The following FRMD4A variants were observed in gnomAD, a reference collection of about 807,000 sequenced individuals.
The protein encoded by FRMD4A is FERM domain-containing protein 4A.
Under a neutral mutation model 129.1 loss-of-function variants are expected in FRMD4A, and 29 were observed. That is an observed-to-expected ratio of 0.22 (90% CI 0.17 to 0.31). The LOEUF (loss-of-function observed/expected upper bound fraction) is 0.31. FRMD4A is among the 10% of genes least tolerant of loss of function. The pLI is 1.00. For missense variants in FRMD4A, 1,272 were observed against 1,375.8 expected, an observed-to-expected ratio of 0.92 and a Z score of 1.19; for synonymous variants, 634 against 571.6, an observed-to-expected ratio of 1.11 and a Z score of -1.56.
intron 3 of FRMD4A, among the ~76,000 whole-genome samples, chr10:13,822,243 T>C (rs1348178591): frequency 6.6e-6 from 1 of 152,202 alleles, no homozygotes; most frequent in Admixed American, 6.5e-5. Context: ...CTCTCAGCAA[T>C]TTTCAAGCAT....
chr10:14,110,701 A>G (rs1207891348), intron 2 of FRMD4A, among the ~76,000 whole-genome samples: 1 of 152,282 alleles, frequency 6.6e-6, no homozygotes, highest in East Asian at 1.9e-4. Context: ...AAACCACTGC[A>G]GAGGCATTTT....
At chr10:13,965,341 T>C (rs1013977730) in intron 2 of FRMD4A, among the ~76,000 whole-genome samples, 27 of 152,000 alleles carry the variant, frequency 1.8e-4, no homozygotes, top group African/African-American at 5.3e-4. Context: ...AGAAAGAAGG[T>C]TTAAAATGCC....
chr10:13,874,760 A>G (rs1347697502), intron 2 of FRMD4A, among the ~76,000 whole-genome samples: 1 of 152,258 alleles, frequency 6.6e-6, no homozygotes, highest in Non-Finnish European at 1.5e-5. Flanking sequence ...GAAATAGAAT[A>G]AAGAATTATT....
At chr10:13,939,932 G>A (rs2131306526) in intron 2 of FRMD4A, among the ~76,000 whole-genome samples, 1 of 152,282 alleles carries the variant, frequency 6.6e-6, no homozygotes, top group South Asian at 2.1e-4. Context: ...CATTTGTAAG[G>A]TGTATTAAGG....
At chr10:13,706,886 ACTGT>A in intron 13 of FRMD4A, 147 bp downstream of exon 13, 2 of 591,248 alleles carry the variant, frequency 3.4e-6, no homozygotes, top group Non-Finnish European at 6.1e-6. Flanking sequence ...AGAAAGTTTC[ACTGT>A]CTGATTTGAG....
intron 2 of FRMD4A, among the ~76,000 whole-genome samples, chr10:14,303,591 T>C (rs560970191): frequency 3.9e-4 from 59 of 152,260 alleles, no homozygotes; most frequent in Non-Finnish European, 3.1e-4. Context: ...ATTACATTTA[T>C]GGGCAGTCAG....
At chr10:14,075,373 A>C (rs975457483) in intron 2 of FRMD4A, among the ~76,000 whole-genome samples, 1 of 152,226 alleles carries the variant, frequency 6.6e-6, no homozygotes. Context: ...CTGTTAGAAC[A>C]ACATGATGTG....
intron 2 of FRMD4A, among the ~76,000 whole-genome samples, chr10:14,033,460 C>G (rs1426843053): frequency 6.6e-6 from 1 of 152,012 alleles, no homozygotes; most frequent in Non-Finnish European, 1.5e-5. Context: ...AGGAACCAAC[C>G]TAAGTGTCCA....
At chr10:14,087,435 A>G (rs1836354177) in intron 2 of FRMD4A, 1 of 151,566 alleles carries the variant, frequency 6.6e-6, no homozygotes, top group Non-Finnish European at 1.5e-5. Flanking sequence ...ATACACAGGT[A>G]AAGTACTTTG....
intron 2 of FRMD4A, among the ~76,000 whole-genome samples, chr10:14,160,847 A>G (rs1840846896): frequency 6.6e-6 from 1 of 152,238 alleles, no homozygotes; most frequent in Non-Finnish European, 1.5e-5. Context: ...TGGGGTTATC[A>G]AAGAGACAAA....
chr10:13,949,388 A>G (rs2131330529), intron 2 of FRMD4A, among the ~76,000 whole-genome samples: 1 of 152,198 alleles, frequency 6.6e-6, no homozygotes, highest in Non-Finnish European at 1.5e-5. Context: ...TTAACTTTTC[A>G]AGTACAGCTT....
intron 2 of FRMD4A, among the ~76,000 whole-genome samples, chr10:14,051,799 G>A (rs973061094): frequency 3.9e-5 from 6 of 152,240 alleles, no homozygotes; most frequent in Non-Finnish European, 7.3e-5. Context: ...TCAGGAAAGG[G>A]CCCTGAGCAG....
At chr10:13,664,975 C>T (rs1418242433) in intron 18 of FRMD4A, among the ~76,000 whole-genome samples, 1 of 152,164 alleles carries the variant, frequency 6.6e-6, no homozygotes, top group African/African-American at 2.4e-5. Flanking sequence ...CTCTGCCTCC[C>T]AGGTTCAAGC....
intron 2 of FRMD4A, among the ~76,000 whole-genome samples, chr10:14,185,456 A>C (rs764112259): frequency 2.6e-5 from 4 of 152,240 alleles, no homozygotes; most frequent in South Asian, 2.1e-4. Context: ...CGTGGCAGAA[A>C]TTAGTACAAA....
chr10:13,780,477 T>C (rs572983643), intron 6 of FRMD4A, among the ~76,000 whole-genome samples: 2 of 152,306 alleles, frequency 1.3e-5, no homozygotes, highest in East Asian at 1.9e-4. Context: ...TATGGAGCAA[T>C]TGGATACAGG....
intron 2 of FRMD4A, among the ~76,000 whole-genome samples, chr10:13,935,805 G>A (rs554958681): frequency 1.3e-5 from 2 of 152,192 alleles, no homozygotes; most frequent in Non-Finnish European, 2.9e-5. Flanking sequence ...AAGAAACTGA[G>A]GCTCAAAAAG....
intron 2 of FRMD4A, among the ~76,000 whole-genome samples, chr10:14,153,310 T>G (rs1324971093): frequency 1.3e-5 from 2 of 152,194 alleles, no homozygotes; most frequent in East Asian, 3.8e-4. Flanking sequence ...GGATGCTAAC[T>G]TTTGTGTTGC....
In FRMD4A at chr10:14,265,529, G is replaced by A. The variant is rs7068139; in HGVS notation, c.45+64529C>T. 2.6e-3 allele frequency among the ~76,000 whole-genome samples: 399 copies of A among 152,320 alleles called. 1 individual carries two copies. The highest frequency in any genetic ancestry group is 0.01 in the Middle Eastern group (3 of 294). On this transcript the variant is annotated intron_variant, in intron 2 of 24. Coordinates refer to ENST00000357447, the MANE Select transcript of FRMD4A (RefSeq NM_018027.5). ...TATGAATTTTGAAACAAGGACCCATGTACACAATTTGTAGAGGTTAGAAAC... is the reference window on the plus strand; with the variant it reads ...TATGAATTTTGAAACAAGGACCCATATACACAATTTGTAGAGGTTAGAAAC...
At chr10:13,673,415 G>A (rs1016204040) in intron 16 of FRMD4A, among the ~76,000 whole-genome samples, 7 of 152,208 alleles carry the variant, frequency 4.6e-5, no homozygotes, top group Non-Finnish European at 5.9e-5. Flanking sequence ...TTTGGGGGAG[G>A]GGTATACGTC....
Sources: allele counts gnomAD v4.1 joint callset (sites outside exome capture counted in the v4.1 genomes callset), GRCh38; gene constraint gnomAD v4.1.1; transcripts MANE v1.5; gene names NCBI Gene and HGNC (gene_info 2026-07-23, HGNC 2026-07-21).